CCDC66: variants seen among roughly 807,000 people sequenced by gnomAD.
The protein encoded by CCDC66 is coiled-coil domain-containing protein 66.
In CCDC66, 133 loss-of-function variants were observed where a neutral mutation model predicts 128.3. The observed-to-expected ratio is 1.04, with a 90% CI of 0.90 to 1.20. CCDC66 has a LOEUF of 1.20. CCDC66 is among the 50% of genes most tolerant of loss of function. The probability of loss-of-function intolerance (pLI) is 0.00; values close to 1 mark genes in which losing one functional copy is unlikely to be tolerated. For missense variants in CCDC66, 1,126 were observed against 1,075.5 expected (o/e 1.05, Z -0.66); for synonymous variants, 387 against 357.0 (o/e 1.08, Z -0.95).
chr3:56,617,285 GAA>G lies in CCDC66; in HGVS notation c.2020_2021del (p.Asn674GlnfsTer4). 6.2e-7 allele frequency: 1 copy of G among 1,613,364 alleles called. No homozygotes were observed. The highest frequency in any genetic ancestry group is 8.5e-7 in the Non-Finnish European group (1 of 1,179,822). Reference protein sequence around the residue: ...TQDKGASLEKENNRCNDQCNQ... With the variant: ...TQDKGASLEKXNNRCNDQCNQ... The stretch of plus-strand genomic sequence containing the variant: ...GGATAAAGGAGCCAGCTTAGAAAAA[GAA>G]AACAATCGGTGTAATGACCAGTGTA... On this transcript the variant is annotated frameshift_variant, in exon 14 of 18. Coordinates refer to ENST00000394672, the MANE Select transcript of CCDC66 (RefSeq NM_001141947.3). LOFTEE classifies it high-confidence loss of function.
chr3:56,599,785 G>T (rs1414493102), intron 10 of CCDC66, among the ~76,000 whole-genome samples: 1 of 152,002 alleles, frequency 6.6e-6, no homozygotes, highest in Non-Finnish European at 1.5e-5. Context: ...GTTAAGATTT[G>T]TTTTGTGTCC....
At chr3:56,619,686 A>C in intron 16 of CCDC66, 91 bp from the exon 17 acceptor site, 5 of 1,513,372 alleles carry the variant, frequency 3.3e-6, no homozygotes, top group Non-Finnish European at 4.4e-6. Flanking sequence ...ATACATACTT[A>C]TTATAATGAC....
At chr3:56,578,056 C>G (rs1242058026) in intron 7 of CCDC66, among the ~76,000 whole-genome samples, 1 of 151,728 alleles carries the variant, frequency 6.6e-6, no homozygotes, top group African/African-American at 2.4e-5. Context: ...CATGAGTATG[C>G]AATGTTTTTC....
At chr3:56,605,131 T>C (rs946097371) in intron 10 of CCDC66, among the ~76,000 whole-genome samples, 3 of 152,114 alleles carry the variant, frequency 2.0e-5, no homozygotes, top group Non-Finnish European at 4.4e-5. Flanking sequence ...AGGTCATTTA[T>C]GTTCTTCTCT....
chr3:56,573,887 CAT>C (rs1472375486), intron 7 of CCDC66, among the ~76,000 whole-genome samples: 1 of 146,976 alleles, frequency 6.8e-6, no homozygotes, highest in Non-Finnish European at 1.5e-5. Flanking sequence ...TTTTATTCCT[CAT>C]GTGTATCTTT....
chr3:56,578,925 A>C (rs1453275164), intron 7 of CCDC66, among the ~76,000 whole-genome samples: 1 of 151,868 alleles, frequency 6.6e-6, no homozygotes, highest in East Asian at 2.0e-4. Flanking sequence ...TTGGTCTCAT[A>C]AAATGAGTTA....
At chr3:56,613,460 G>T in intron 10 of CCDC66, 129 bp from the exon 11 acceptor site, 1 of 914,876 alleles carries the variant, frequency 1.1e-6, no homozygotes, top group Non-Finnish European at 1.6e-6. Flanking sequence ...AAGTATGATT[G>T]TCTACTCATT....
chr3:56,577,192 A>G (rs1180957308), intron 7 of CCDC66, among the ~76,000 whole-genome samples: 1 of 151,594 alleles, frequency 6.6e-6, no homozygotes, highest in Admixed American at 6.6e-5. Context: ...CATTTTTTTC[A>G]TGTGTCTGTT....
chr3:56,558,750 T>C (rs1252462484), intron 1 of CCDC66, 96 bp from the exon 2 acceptor site: 5 of 868,124 alleles, frequency 5.8e-6, no homozygotes, highest in South Asian at 4.3e-5. Context: ...AAATTCAAAA[T>C]AATGGATTTA....
In CCDC66 at chr3:56,565,893, C is replaced by G. The variant is rs150026937; in HGVS notation, c.545-701C>G. Among the ~76,000 whole-genome samples, 721 of 152,260 alleles carry G rather than the reference C, an allele frequency of 4.7e-3. 3 individuals are homozygous for G. The highest frequency in any genetic ancestry group is 0.016 in the African/African-American group (683 of 41,548). ...GTGTTCGCCAGGATGGTCTCGATCT[C>G]CTGACCTCGTGATCCGCCCACCTTG... On this transcript the variant is annotated intron_variant, in intron 4 of 17. Transcript: ENST00000394672.
At chr3:56,590,483 CAT>C (rs1269445118) in intron 7 of CCDC66, among the ~76,000 whole-genome samples, 1 of 152,066 alleles carries the variant, frequency 6.6e-6, no homozygotes, top group African/African-American at 2.4e-5. Flanking sequence ...ACAAGGCTGT[CAT>C]GTGAGAATAG....
chr3:56,571,887 TA>T lies in CCDC66; in HGVS notation c.936+593del, dbSNP rs1392836765. On this transcript the variant is annotated intron_variant, in intron 7 of 17. Coordinates refer to ENST00000394672, the MANE Select transcript of CCDC66 (RefSeq NM_001141947.3). ...GTGTACTCCACCATGCCCAGCTAAT[TA>T]AAAAAAATTTTTTTTAGAGACAGGG... 3.3e-5 allele frequency among the ~76,000 whole-genome samples: 5 copies of T among 151,712 alleles called. 1 individual carries two copies. In the South Asian group the frequency reaches 8.5e-4, roughly 26 times the overall value.
intron 17 of CCDC66, 51 bp downstream of exon 17, chr3:56,619,952 G>A (rs372830187): frequency 2.7e-5 from 42 of 1,573,700 alleles, no homozygotes; most frequent in Admixed American, 3.6e-5. Context: ...TGGCGTGGGC[G>A]GTTGGGGGAA....
chr3:56,567,074 T>A (rs539030696), intron 6 of CCDC66, 21 bp downstream of exon 6: 1 of 1,544,392 alleles, frequency 6.5e-7, no homozygotes, highest in East Asian at 2.2e-5. Context: ...TTTATACCTT[T>A]ATTATAGTTT....
At chr3:56,615,107 G>T in intron 11 of CCDC66, 21 bp from the exon 12 acceptor site, 1 of 1,608,232 alleles carries the variant, frequency 6.2e-7, no homozygotes, top group South Asian at 1.1e-5. Flanking sequence ...GATGAATTTA[G>T]TAACACATCA....
At chr3:56,568,973 C>G (rs2066260858) in intron 6 of CCDC66, among the ~76,000 whole-genome samples, 1 of 152,196 alleles carries the variant, frequency 6.6e-6, no homozygotes, top group Non-Finnish European at 1.5e-5. Context: ...ATGAGATGGG[C>G]TTCACCCTAG....
chr3:56,581,309 A>C (rs1008752484), intron 7 of CCDC66, among the ~76,000 whole-genome samples: 3 of 151,838 alleles, frequency 2.0e-5, no homozygotes, highest in African/African-American at 7.2e-5. Flanking sequence ...CCATTTGTCT[A>C]ATCTTTTTTC....
intron 7 of CCDC66, among the ~76,000 whole-genome samples, chr3:56,586,749 A>T (rs1402437410): frequency 6.6e-6 from 1 of 151,726 alleles, no homozygotes; most frequent in Non-Finnish European, 1.5e-5. Context: ...AAAATTATAC[A>T]TTATTAAAAA....
intron 7 of CCDC66, among the ~76,000 whole-genome samples, chr3:56,590,264 G>A (rs745829926): frequency 1.2e-4 from 18 of 152,158 alleles, no homozygotes; most frequent in Non-Finnish European, 2.4e-4. Flanking sequence ...TACATGAAAT[G>A]GAAACAGGCA....
Sources: gnomAD v4.1 joint callset for allele counts (sites outside exome capture counted in the v4.1 genomes callset) on GRCh38, gnomAD v4.1.1 for gene constraint, MANE v1.5 for transcripts, NCBI Gene and HGNC (gene_info 2026-07-23, HGNC 2026-07-21) for gene names.